NCOA1: variants seen among roughly 807,000 people sequenced by gnomAD.
NCOA1 encodes Hin-2 protein.
In NCOA1, 35 loss-of-function variants were observed where a neutral mutation model predicts 150.9. That is an observed-to-expected ratio of 0.23 (90% CI 0.18 to 0.31). The LOEUF (loss-of-function observed/expected upper bound fraction) is 0.31. Among genes scored for constraint, NCOA1 ranks in the 10% least tolerant of loss-of-function variants. The pLI is 1.00. For missense variants in NCOA1, 1,491 were observed against 1,749.3 expected (o/e 0.85, Z 2.63); for synonymous variants, 590 against 630.0 (o/e 0.94, Z 0.95).
Position 24,610,124 on chromosome 2 carries a change from C to CTTT in NCOA1, c.-175+25584_-175+25586dup, listed in dbSNP as rs775178797. Among the ~76,000 whole-genome samples the CTTT allele has an allele frequency of 8.1e-3, 731 of 90,166 alleles. 18 individuals carry two copies. Among genetic ancestry groups the CTTT allele is most frequent in the Non-Finnish European group, 9.7e-3 (441 of 45,532 alleles). 59.2% of individuals were successfully genotyped at this position (90,166 alleles called of 152,430 possible). On this transcript the variant is annotated intron_variant, in intron 3 of 22. Transcript: ENST00000348332. ...TTTCTTTGTGACTATAGGCTGCATT[C>CTTT]TTTTTTTTTTTTTTTTTTTTTTGAG...
At chr2:24,692,583 G>T (rs1248665997) in intron 9 of NCOA1, among the ~76,000 whole-genome samples, 1 of 152,162 alleles carries the variant, frequency 6.6e-6, no homozygotes, top group Non-Finnish European at 1.5e-5. Context: ...AAGTACTGGT[G>T]AATATAAGAA....
chr2:24,564,983 C>T (rs1572424502), intron 2 of NCOA1, among the ~76,000 whole-genome samples: 1 of 152,250 alleles, frequency 6.6e-6, no homozygotes, highest in Middle Eastern at 3.4e-3. Flanking sequence ...ACCTTTCTTG[C>T]CTTTCCTCCT....
At chr2:24,719,041 A>AC (rs1301144591) in intron 14 of NCOA1, among the ~76,000 whole-genome samples, 44 of 150,730 alleles carry the variant, frequency 2.9e-4, no homozygotes, top group Non-Finnish European at 5.6e-4. Flanking sequence ...AAAAAAAAAA[A>AC]AAAAAAAAAA....
chr2:24,693,997 G>A (rs2148565330), intron 10 of NCOA1, among the ~76,000 whole-genome samples: 1 of 152,292 alleles, frequency 6.6e-6, no homozygotes, highest in Middle Eastern at 3.4e-3. Flanking sequence ...TATGGGTCTT[G>A]GAAGGGGGGC....
At chr2:24,730,901 G>C (rs1167168999) in intron 17 of NCOA1, among the ~76,000 whole-genome samples, 1 of 149,370 alleles carries the variant, frequency 6.7e-6, no homozygotes, top group East Asian at 1.9e-4. Context: ...AAACGGGCAT[G>C]GTGGCACGTG....
At chr2:24,665,624 TA>T in intron 5 of NCOA1, 124 bp from the exon 6 acceptor site, 1 of 816,824 alleles carries the variant, frequency 1.2e-6, no homozygotes, top group Non-Finnish European at 1.7e-6. Context: ...TATCACTTTC[TA>T]AATCTGGTTT....
At chr2:24,615,615 A>T (rs1279096604) in intron 3 of NCOA1, among the ~76,000 whole-genome samples, 2 of 152,164 alleles carry the variant, frequency 1.3e-5, no homozygotes, top group Non-Finnish European at 2.9e-5. Context: ...TGAGAATCTA[A>T]CAAGTGCCAA....
At chr2:24,558,179 G>T (rs1260556444) in intron 1 of NCOA1, among the ~76,000 whole-genome samples, 1 of 151,690 alleles carries the variant, frequency 6.6e-6, no homozygotes, top group Non-Finnish European at 1.5e-5. Context: ...TTTCATTCTG[G>T]ATTATTTTTA....
rs1168013891 is a variant in NCOA1 at position 24,695,646 on chromosome 2, C to T, written c.809-2012C>T. Among the ~76,000 whole-genome samples, 3 of 151,778 alleles carry T rather than the reference C, an allele frequency of 2.0e-5. No individual in the cohort carries two copies. In the East Asian group the frequency reaches 5.8e-4, roughly 29 times the overall value. ...CTTTTTAACTCTTCATGGGATGATCCATATCTCTTAAAAAAAGAAAAAAGT... is the reference window on the plus strand; with the variant it reads ...CTTTTTAACTCTTCATGGGATGATCTATATCTCTTAAAAAAAGAAAAAAGT... On this transcript the variant is annotated intron_variant, in intron 10 of 22. Coordinates refer to ENST00000348332, the MANE Select transcript of NCOA1 (RefSeq NM_003743.5).
At chr2:24,693,932 G>C (rs1220156608) in intron 10 of NCOA1, among the ~76,000 whole-genome samples, 1 of 152,134 alleles carries the variant, frequency 6.6e-6, no homozygotes, top group East Asian at 1.9e-4. Flanking sequence ...GCAAAGGCCT[G>C]TCTGAGGAGC....
At chr2:24,545,813 G>A (rs1426349177) in intron 1 of NCOA1, among the ~76,000 whole-genome samples, 1 of 152,088 alleles carries the variant, frequency 6.6e-6, no homozygotes, top group Non-Finnish European at 1.5e-5. Flanking sequence ...ATTTTTTTGA[G>A]TCGGAGTCTC....
chr2:24,570,080 A>G (rs1666684127), intron 2 of NCOA1, among the ~76,000 whole-genome samples: 1 of 149,626 alleles, frequency 6.7e-6, no homozygotes. Context: ...TTAGCATTCA[A>G]AGGAATGCTG....
chr2:24,579,690 A>G (rs535763005), intron 2 of NCOA1, among the ~76,000 whole-genome samples: 1 of 152,324 alleles, frequency 6.6e-6, no homozygotes, highest in South Asian at 2.1e-4. Context: ...GTGGCTGCTA[A>G]CAAACTAAGC....
chr2:24,686,133 C>T (rs528670786), intron 8 of NCOA1, among the ~76,000 whole-genome samples: 1 of 152,250 alleles, frequency 6.6e-6, no homozygotes, highest in South Asian at 2.1e-4. Flanking sequence ...TCCTGAGTAG[C>T]TGGGATTACA....
chr2:24,669,450 C>T (rs998854704), intron 6 of NCOA1, among the ~76,000 whole-genome samples: 2 of 152,140 alleles, frequency 1.3e-5, no homozygotes, highest in Admixed American at 6.5e-5. Context: ...GTTCACGTTC[C>T]GTTAGGCCAG....
intron 3 of NCOA1, among the ~76,000 whole-genome samples, chr2:24,605,084 T>C (rs1268291773): frequency 6.6e-6 from 1 of 152,182 alleles, no homozygotes; most frequent in East Asian, 1.9e-4. Flanking sequence ...TTATGTGGGC[T>C]TACATGTTCA....
intron 1 of NCOA1, among the ~76,000 whole-genome samples, chr2:24,544,949 C>T (rs1665549583): frequency 6.6e-6 from 1 of 152,096 alleles, no homozygotes; most frequent in South Asian, 2.1e-4. Context: ...CTAGAATGAA[C>T]CATGTGGTAC....
chr2:24,642,318 A>AAT (rs138241448), intron 3 of NCOA1, among the ~76,000 whole-genome samples: 101 of 146,776 alleles, frequency 6.9e-4, no homozygotes, highest in South Asian at 1.3e-3. Flanking sequence ...TATGTATATA[A>AAT]ATATATATAT....
chr2:24,541,008 A>G (rs1248082447), intron 1 of NCOA1, among the ~76,000 whole-genome samples: 1 of 152,200 alleles, frequency 6.6e-6, no homozygotes, highest in East Asian at 1.9e-4. Context: ...GAAAGATACT[A>G]CTATCTCACT....
Sources: gnomAD v4.1 joint callset for allele counts (sites outside exome capture counted in the v4.1 genomes callset) on GRCh38, gnomAD v4.1.1 for gene constraint, MANE v1.5 for transcripts, NCBI Gene and HGNC (gene_info 2026-07-23, HGNC 2026-07-21) for gene names.